Variants in MAST4 observed in about 807,000 individuals in gnomAD.
MAST4 encodes microtubule-associated serine/threonine-protein kinase 4.
In MAST4, 89 loss-of-function variants were observed where a neutral mutation model predicts 162.7. That is an observed-to-expected ratio of 0.55 (90% CI 0.46 to 0.65). The LOEUF (loss-of-function observed/expected upper bound fraction) is 0.65. MAST4 is among the 30% of genes least tolerant of loss of function. The pLI is 0.00. For missense variants in MAST4, 3,153 were observed against 3,374.0 expected (o/e 0.93, Z 1.62); for synonymous variants, 1,479 against 1,361.1 (o/e 1.09, Z -1.91).
intron 4 of MAST4, among the ~76,000 whole-genome samples, chr5:67,006,574 C>T (rs1179709659): frequency 6.6e-6 from 1 of 152,194 alleles, no homozygotes; most frequent in South Asian, 2.1e-4. Flanking sequence ...GCGGTACAGC[C>T]TCTACTCTTA....
At position 66,706,778 on chromosome 5, in the gene MAST4, T is replaced by C. The variant is rs1414979879; in HGVS notation, c.364-52931T>C. 2.0e-5 allele frequency among the ~76,000 whole-genome samples: 3 copies of C among 152,306 alleles called. No individual in the cohort carries two copies. The East Asian group carries it at 5.8e-4, about 29-fold the overall frequency. On this transcript the variant is annotated intron_variant, in intron 1 of 28. Transcript: ENST00000403625. Reference sequence around the variant, plus strand: ...CTGGTGTTGATCCAAAGGTTTTGACTTCAGTTGATACATAACTGTTGCAGA... The same window carrying C: ...CTGGTGTTGATCCAAAGGTTTTGACCTCAGTTGATACATAACTGTTGCAGA...
chr5:67,036,478 A>G (rs2150462579), intron 4 of MAST4, among the ~76,000 whole-genome samples: 1 of 152,260 alleles, frequency 6.6e-6, no homozygotes, highest in Non-Finnish European at 1.5e-5. Context: ...TTCTCTATGC[A>G]GTAGTCCCTC....
At chr5:67,133,385 T>C (rs776758702) in intron 16 of MAST4, 129 bp from the exon 17 acceptor site, 43 of 976,044 alleles carry the variant, frequency 4.4e-5, no homozygotes, top group Non-Finnish European at 5.8e-5. Flanking sequence ...CTTTCCAGGC[T>C]GGGTTTTGTA....
At chr5:66,662,583 T>A (rs1746982482) in intron 1 of MAST4, 1 of 152,230 alleles carries the variant, frequency 6.6e-6, no homozygotes, top group African/African-American at 2.4e-5. Context: ...AAACACAGTT[T>A]GTTTTAAAGA....
At chr5:66,713,899 A>G (rs1000910994) in intron 1 of MAST4, among the ~76,000 whole-genome samples, 2 of 152,208 alleles carry the variant, frequency 1.3e-5, no homozygotes, top group Non-Finnish European at 2.9e-5. Context: ...AGTGATGACA[A>G]TCACAATAGC....
intron 1 of MAST4, among the ~76,000 whole-genome samples, chr5:66,600,478 G>A (rs1477042197): frequency 2.0e-5 from 3 of 152,236 alleles, no homozygotes; most frequent in Non-Finnish European, 4.4e-5. Context: ...AACTGTCTCA[G>A]CAAACTGGCC....
At chr5:66,865,851 G>C (rs1215300406) in intron 3 of MAST4, among the ~76,000 whole-genome samples, 1 of 152,100 alleles carries the variant, frequency 6.6e-6, no homozygotes, top group African/African-American at 2.4e-5. Context: ...GAGGTGGGCG[G>C]ATCAGTTGAG....
At chr5:66,711,570 C>T (rs1030683659) in intron 1 of MAST4, among the ~76,000 whole-genome samples, 3 of 152,202 alleles carry the variant, frequency 2.0e-5, no homozygotes, top group Admixed American at 6.5e-5. Flanking sequence ...AGCAGTGGCT[C>T]ATGCTTGTAA....
intron 1 of MAST4, among the ~76,000 whole-genome samples, chr5:66,648,479 C>T (rs1029773181): frequency 9.2e-5 from 14 of 152,114 alleles, no homozygotes; most frequent in East Asian, 3.9e-4. Context: ...GTATATTTAA[C>T]GGTAGCAGAG....
chr5:66,854,735 C>T (rs995580733), intron 3 of MAST4, among the ~76,000 whole-genome samples: 7 of 152,048 alleles, frequency 4.6e-5, no homozygotes, highest in African/African-American at 1.7e-4. Flanking sequence ...ACCACTAAAT[C>T]CCATACTCAA....
In MAST4 at chr5:67,144,677, C is replaced by T. The variant is rs369288931; in HGVS notation, c.2739C>T (p.Ser913=). ...AATTATTTGCCTTCCAGGTTTTCAG[C>T]AGTATAGATCGAATCACTCAGAATT... ...SCSHRFSKVF[S]SIDRITQNSA... is the part of the protein sequence containing the mutation. Residue 913 remains serine, a synonymous_variant, in exon 22 of 29, where the codon AGC becomes AGT. Transcript: ENST00000403625. 1 of 1,613,448 alleles carries T rather than the reference C, an allele frequency of 6.2e-7. No homozygotes were observed. The highest frequency in any genetic ancestry group is 1.3e-5 in the African/African-American group (1 of 74,894).
At chr5:66,790,667 C>G (rs923411058) in intron 3 of MAST4, among the ~76,000 whole-genome samples, 1 of 152,130 alleles carries the variant, frequency 6.6e-6, no homozygotes, top group African/African-American at 2.4e-5. Flanking sequence ...GCCTCAGCCT[C>G]TTGAGTAGCT....
intron 1 of MAST4, among the ~76,000 whole-genome samples, chr5:66,620,036 G>C (rs1743968717): frequency 7.8e-6 from 1 of 128,848 alleles, no homozygotes; most frequent in African/African-American, 2.9e-5. Context: ...TGGAATGAAA[G>C]ACTTAGGTTG....
chr5:66,751,556 G>T (rs1753169491), intron 1 of MAST4, among the ~76,000 whole-genome samples: 1 of 152,028 alleles, frequency 6.6e-6, no homozygotes, highest in Non-Finnish European at 1.5e-5. Flanking sequence ...GATGGAAGAT[G>T]AAATGAATGA....
chr5:66,879,151 T>C (rs911276528), intron 3 of MAST4, among the ~76,000 whole-genome samples: 7 of 151,840 alleles, frequency 4.6e-5, no homozygotes, highest in African/African-American at 1.5e-4. Context: ...TGGTGGCGGG[T>C]GCCTGTAGTT....
chr5:66,865,720 C>T (rs1033405879), intron 3 of MAST4, among the ~76,000 whole-genome samples: 1 of 152,150 alleles, frequency 6.6e-6, no homozygotes, highest in Non-Finnish European at 1.5e-5. Flanking sequence ...TTTCTTAGGG[C>T]TGTTTTTAAT....
intron 21 of MAST4, among the ~76,000 whole-genome samples, chr5:67,144,180 A>G (rs115980220): frequency 1.5e-3 from 221 of 152,226 alleles, no homozygotes; most frequent in African/African-American, 5.1e-3. Context: ...TCCTTGCCAC[A>G]CCACCACCCA....
chr5:66,881,754 A>G (rs2149908249), intron 3 of MAST4, among the ~76,000 whole-genome samples: 1 of 152,310 alleles, frequency 6.6e-6, no homozygotes, highest in East Asian at 1.9e-4. Context: ...AAGTTACTCA[A>G]TTTGGCTTCT....
At chr5:66,704,207 C>G (rs1749967599) in intron 1 of MAST4, among the ~76,000 whole-genome samples, 1 of 152,112 alleles carries the variant, frequency 6.6e-6, no homozygotes, top group Non-Finnish European at 1.5e-5. Context: ...GAAGTACACA[C>G]CGTTGGGTTG....
Sources: allele counts gnomAD v4.1 joint callset (sites outside exome capture counted in the v4.1 genomes callset), GRCh38; gene constraint gnomAD v4.1.1; transcripts MANE v1.5; gene names NCBI Gene and HGNC (gene_info 2026-07-23, HGNC 2026-07-21).